The following RSRC1 variants were observed in gnomAD, a reference collection of about 807,000 sequenced individuals.
RSRC1 encodes the protein serine/Arginine-related protein 53.
In RSRC1, 39 loss-of-function variants were observed where a neutral mutation model predicts 49.1. The observed-to-expected ratio is 0.79, with a 90% CI of 0.61 to 1.04. The LOEUF is 1.04. Among genes scored for constraint, RSRC1 ranks in the 50% least tolerant of loss-of-function variants. The probability of loss-of-function intolerance (pLI) is 0.00; values close to 1 mark genes in which losing one functional copy is unlikely to be tolerated. For missense variants in RSRC1, 388 were observed against 402.4 expected, an observed-to-expected ratio of 0.96 and a Z score of 0.31; for synonymous variants, 143 against 130.8, an observed-to-expected ratio of 1.09 and a Z score of -0.63.
intron 6 of RSRC1, among the ~76,000 whole-genome samples, chr3:158,448,235 C>A (rs1007908490): frequency 1.3e-5 from 2 of 150,010 alleles, no homozygotes; most frequent in Admixed American, 1.3e-4. Context: ...AAAGAAAAAA[C>A]AATCCAGTAG....
At chr3:158,455,377 C>T (rs1250028939) in intron 6 of RSRC1, among the ~76,000 whole-genome samples, 1 of 152,014 alleles carries the variant, frequency 6.6e-6, no homozygotes, top group Non-Finnish European at 1.5e-5. Context: ...GAGTCGGACA[C>T]CCTGTCAGTA....
At chr3:158,395,691 G>A (rs892921428) in intron 6 of RSRC1, among the ~76,000 whole-genome samples, 13 of 152,096 alleles carry the variant, frequency 8.5e-5, no homozygotes, top group African/African-American at 2.9e-4. Flanking sequence ...GTCCTGGCAA[G>A]GTTGTGGAGA....
intron 5 of RSRC1, among the ~76,000 whole-genome samples, chr3:158,323,357 G>A (rs772505251): frequency 2.6e-5 from 4 of 152,078 alleles, no homozygotes; most frequent in Non-Finnish European, 5.9e-5. Flanking sequence ...GGTCACGGTC[G>A]AATACGTCAG....
At chr3:158,194,408 A>G (rs553931819) in intron 3 of RSRC1, among the ~76,000 whole-genome samples, 6 of 151,740 alleles carry the variant, frequency 4.0e-5, no homozygotes, top group Non-Finnish European at 7.4e-5. Context: ...ATTTGCTTTT[A>G]TTATATTTAT....
intron 4 of RSRC1, among the ~76,000 whole-genome samples, chr3:158,223,855 C>A (rs1046271326): frequency 6.6e-6 from 1 of 151,670 alleles, no homozygotes; most frequent in African/African-American, 2.4e-5. Flanking sequence ...GTTTGGAATG[C>A]CTCCTCCAGG....
chr3:158,534,542 A>G (rs996914317), intron 7 of RSRC1, among the ~76,000 whole-genome samples: 1 of 151,634 alleles, frequency 6.6e-6, no homozygotes, highest in Non-Finnish European at 1.5e-5. Flanking sequence ...AAATGAATTT[A>G]AACAGCAAGG....
chr3:158,219,750 A>G (rs936418382), intron 4 of RSRC1, among the ~76,000 whole-genome samples: 14 of 151,640 alleles, frequency 9.2e-5, no homozygotes, highest in African/African-American at 2.9e-4. Context: ...TGAAGCCTTA[A>G]TAAAGGTAGT....
intron 3 of RSRC1, among the ~76,000 whole-genome samples, chr3:158,165,443 G>T (rs1718478908): frequency 6.6e-6 from 1 of 152,150 alleles, no homozygotes; most frequent in Non-Finnish European, 1.5e-5. Context: ...CTAATTGGCA[G>T]GACTCTGTGT....
At chr3:158,205,586 C>T (rs931556301) in intron 4 of RSRC1, among the ~76,000 whole-genome samples, 3 of 151,832 alleles carry the variant, frequency 2.0e-5, no homozygotes, top group South Asian at 2.1e-4. Context: ...ATAGTAAAGT[C>T]GGATGAATTT....
At chr3:158,439,496 G>T (rs1023625591) in intron 6 of RSRC1, among the ~76,000 whole-genome samples, 20 of 152,234 alleles carry the variant, frequency 1.3e-4, no homozygotes, top group African/African-American at 4.8e-4. Flanking sequence ...AAAAAAGGAG[G>T]AGTTCATGTC....
At chr3:158,446,552 A>C (rs1167184577) in intron 6 of RSRC1, among the ~76,000 whole-genome samples, 2 of 151,928 alleles carry the variant, frequency 1.3e-5, no homozygotes, top group Non-Finnish European at 2.9e-5. Context: ...ATGCATTTGA[A>C]ATTTCTTATA....
chr3:158,261,952 A>G (rs1724918838), intron 4 of RSRC1, among the ~76,000 whole-genome samples: 1 of 152,184 alleles, frequency 6.6e-6, no homozygotes, highest in Non-Finnish European at 1.5e-5. Context: ...TTGAAACCGT[A>G]TCTTCTGCCA....
chr3:158,398,921 C>G (rs1733746585), intron 6 of RSRC1, among the ~76,000 whole-genome samples: 1 of 151,754 alleles, frequency 6.6e-6, no homozygotes, highest in South Asian at 2.1e-4. Flanking sequence ...AGGTTAGTGC[C>G]AATAGTATGA....
intron 3 of RSRC1, among the ~76,000 whole-genome samples, chr3:158,171,950 G>A (rs1718904570): frequency 2.7e-5 from 4 of 148,400 alleles, no homozygotes; most frequent in Admixed American, 2.0e-4. Flanking sequence ...AGGCTGTGTC[G>A]CTTCAACAAC....
In RSRC1 at chr3:158,440,082, A is replaced by G. The variant is rs1020883317; in HGVS notation, c.584-20853A>G. 1.4e-4 allele frequency among the ~76,000 whole-genome samples: 21 copies of G among 152,244 alleles called. No homozygotes were observed. In the South Asian group the frequency reaches 2.5e-3, roughly 18 times the overall value. On this transcript the variant is annotated intron_variant, in intron 6 of 9. Coordinates refer to ENST00000611884, the MANE Select transcript of RSRC1 (RefSeq NM_001271838.2). ...AAACTACCATGGCACGTGTATACCT[A>G]TGTAACAAACCTGCACGTTCTACTC...
At chr3:158,121,425 A>G (rs942756176) in intron 1 of RSRC1, among the ~76,000 whole-genome samples, 1 of 152,140 alleles carries the variant, frequency 6.6e-6, no homozygotes, top group Non-Finnish European at 1.5e-5. Context: ...CTACCACCTT[A>G]TAGAGATACT....
At chr3:158,193,290 T>C (rs1300489262) in intron 3 of RSRC1, among the ~76,000 whole-genome samples, 1 of 152,078 alleles carries the variant, frequency 6.6e-6, no homozygotes, top group Non-Finnish European at 1.5e-5. Flanking sequence ...GTTTTAAGGG[T>C]ACAATAAAAA....
chr3:158,450,037 C>T (rs1736935870), intron 6 of RSRC1, among the ~76,000 whole-genome samples: 1 of 151,956 alleles, frequency 6.6e-6, no homozygotes, highest in African/African-American at 2.4e-5. Context: ...ATATTCCTTT[C>T]CTTAATTGCT....
chr3:158,247,786 C>T (rs933946294), intron 4 of RSRC1, among the ~76,000 whole-genome samples: 4 of 152,040 alleles, frequency 2.6e-5, no homozygotes, highest in African/African-American at 7.2e-5. Flanking sequence ...CATCCTAGGG[C>T]GGCACTGACC....
Sources: gnomAD v4.1 joint callset for allele counts (sites outside exome capture counted in the v4.1 genomes callset) on GRCh38, gnomAD v4.1.1 for gene constraint, MANE v1.5 for transcripts, NCBI Gene and HGNC (gene_info 2026-07-23, HGNC 2026-07-21) for gene names.